TTC13: variants seen among roughly 807,000 people sequenced by gnomAD.
TTC13 encodes the protein tetratricopeptide repeat protein 13.
TTC13 carries 62 observed loss-of-function variants against 120.0 expected under a neutral mutation model. That is an observed-to-expected ratio of 0.52 (90% CI 0.42 to 0.64). The LOEUF is 0.64. TTC13 is among the 30% of genes least tolerant of loss of function. The pLI is 0.00. For synonymous variants in TTC13, 384 were observed against 393.5 expected, an observed-to-expected ratio of 0.98 and a Z score of 0.28; for missense variants, 824 against 1,050.2, an observed-to-expected ratio of 0.78 and a Z score of 2.98.
intron 8 of TTC13, among the ~76,000 whole-genome samples, chr1:230,935,097 A>G (rs1038121132): frequency 1.3e-5 from 2 of 152,250 alleles, no homozygotes; most frequent in African/African-American, 4.8e-5. Flanking sequence ...TAGAGAGATG[A>G]GAATGGATAA....
chr1:230,923,832 G>A lies in TTC13; in HGVS notation c.1814+9C>T, dbSNP rs1371355975. 3 of 1,607,916 alleles carry A rather than the reference G, an allele frequency of 1.9e-6. No individual in the cohort carries two copies. Among genetic ancestry groups the A allele is most frequent in the Non-Finnish European group, 2.6e-6 (3 of 1,175,264 alleles). On this transcript the variant is annotated intron_variant, in intron 15 of 22. Coordinates refer to ENST00000366661, the MANE Select transcript of TTC13 (RefSeq NM_024525.5). Reference sequence around the variant, plus strand: ...AGGAAAAGAAGAAAGATGCACAAAAGGTTCGTACCTGATTAAATTAATGTG... The same window carrying A: ...AGGAAAAGAAGAAAGATGCACAAAAAGTTCGTACCTGATTAAATTAATGTG...
chr1:230,914,193 G>A (rs565474813), intron 18 of TTC13, among the ~76,000 whole-genome samples: 2 of 152,140 alleles, frequency 1.3e-5, no homozygotes, highest in South Asian at 4.2e-4. Context: ...ATGTACAGTT[G>A]ACCCTTGAAC....
At chr1:230,949,053 A>G (rs930446708) in intron 4 of TTC13, among the ~76,000 whole-genome samples, 5 of 151,968 alleles carry the variant, frequency 3.3e-5, no homozygotes, top group Admixed American at 2.0e-4. Context: ...TCATTCCACA[A>G]TTATTTACTC....
At chr1:230,950,646 A>T (rs1222346924) in intron 4 of TTC13, among the ~76,000 whole-genome samples, 1 of 152,240 alleles carries the variant, frequency 6.6e-6, no homozygotes, top group Non-Finnish European at 1.5e-5. Context: ...ATTTACATAA[A>T]GGATGTTATT....
intron 11 of TTC13, among the ~76,000 whole-genome samples, chr1:230,929,464 G>A (rs1572210993): frequency 6.6e-6 from 1 of 151,964 alleles, no homozygotes; most frequent in African/African-American, 2.4e-5. Context: ...ACAGGCACCC[G>A]CCACCATGCC....
chr1:230,916,353 C>A, intron 17 of TTC13, 51 bp from the exon 18 acceptor site: 1 of 1,317,152 alleles, frequency 7.6e-7, no homozygotes, highest in South Asian at 1.2e-5. Flanking sequence ...TCACTGTAAA[C>A]CCCAACTGCA....
chr1:230,907,647 A>C (rs1442596408), intron 22 of TTC13, among the ~76,000 whole-genome samples: 1 of 152,232 alleles, frequency 6.6e-6, no homozygotes, highest in African/African-American at 2.4e-5. Context: ...AACTGTTAGA[A>C]GCTTTCATTG....
chr1:230,910,469 T>C (rs2102730836), intron 20 of TTC13, among the ~76,000 whole-genome samples: 1 of 152,304 alleles, frequency 6.6e-6, no homozygotes, highest in South Asian at 2.1e-4. Flanking sequence ...GGAGCAAAGC[T>C]AGCTGTGGCG....
intron 4 of TTC13, among the ~76,000 whole-genome samples, chr1:230,951,927 C>T (rs185700988): frequency 3.3e-5 from 5 of 152,084 alleles, no homozygotes; most frequent in African/African-American, 7.2e-5. Flanking sequence ...TACAGTGTCT[C>T]GATGACACTG....
At chr1:230,972,333 T>A (rs540473931) in intron 1 of TTC13, among the ~76,000 whole-genome samples, 2 of 152,112 alleles carry the variant, frequency 1.3e-5, no homozygotes, top group African/African-American at 4.8e-5. Flanking sequence ...CGTATTGAGC[T>A]ATCTACACTT....
intron 1 of TTC13, among the ~76,000 whole-genome samples, chr1:230,974,654 C>A (rs1254052148): frequency 2.6e-5 from 4 of 152,152 alleles, no homozygotes; most frequent in Admixed American, 1.3e-4. Context: ...TCAAAACATA[C>A]CCTGTTGTTA....
intron 7 of TTC13, 94 bp from the exon 8 acceptor site, chr1:230,939,590 A>G (rs1398132547): frequency 1.4e-6 from 1 of 730,172 alleles, no homozygotes; most frequent in Non-Finnish European, 2.2e-6. Flanking sequence ...AAAAATCTCA[A>G]TTCATCCTCT....
In TTC13 at chr1:230,909,006, G is replaced by A. The variant is rs748928691; in HGVS notation, c.2324C>T (p.Ser775Leu). 12 of 1,613,992 alleles carry A rather than the reference G, an allele frequency of 7.4e-6. No individual in the cohort carries two copies. The highest frequency in any genetic ancestry group is 2.2e-5 in the East Asian group (1 of 44,876). ...LSRGSSVIAYSVIVGALMASG... is the reference protein window; with the variant it reads ...LSRGSSVIAYLVIVGALMASG... ...TGCCATCAGTGCTCCCACGATGACC[G>A]AGTAAGCAATTACACTATTTAAATA... is the stretch of plus-strand genomic sequence containing the variant. Residue 775 changes from serine to leucine, a missense_variant, in exon 21 of 23, where the codon TCG becomes TTG. By Grantham distance (145) the Ser-to-Leu change is moderately radical (BLOSUM62 -2). This residue lies in a region of TTC13 where 226 missense variants were observed against 259.1 expected (regional missense o/e 0.87). Transcript: ENST00000366661.
intron 14 of TTC13, among the ~76,000 whole-genome samples, chr1:230,924,476 G>A (rs1253318828): frequency 6.6e-6 from 1 of 152,154 alleles, no homozygotes; most frequent in African/African-American, 2.4e-5. Context: ...GCGACTACAG[G>A]CGCGCACCAC....
intron 4 of TTC13, among the ~76,000 whole-genome samples, chr1:230,950,376 T>C (rs1675453752): frequency 6.6e-6 from 1 of 152,146 alleles, no homozygotes; most frequent in Non-Finnish European, 1.5e-5. Context: ...TGCAAAATCA[T>C]GGTATAACAG....
chr1:230,909,310 C>T (rs532361930), intron 20 of TTC13, among the ~76,000 whole-genome samples: 39 of 152,224 alleles, frequency 2.6e-4, no homozygotes, highest in African/African-American at 8.9e-4. Flanking sequence ...TTGACAGCAA[C>T]ATGGCGAAAC....
At chr1:230,972,579 T>G (rs1397098716) in intron 1 of TTC13, among the ~76,000 whole-genome samples, 2 of 152,218 alleles carry the variant, frequency 1.3e-5, no homozygotes, top group African/African-American at 4.8e-5. Context: ...TTGAGTGCAG[T>G]GAAGCTAAAC....
At chr1:230,912,792 A>C in intron 18 of TTC13, 34 bp from the exon 19 acceptor site, 4 of 1,585,850 alleles carry the variant, frequency 2.5e-6, no homozygotes, top group Non-Finnish European at 3.4e-6. Context: ...AAAGGCATGT[A>C]TTATAAGTTC....
rs1230619134 is a variant in TTC13 at position 230,920,588 on chromosome 1, A to G, written c.1905T>C (p.Asn635=). ...GAACTTCCAGCAATCCTTTAGGATTATTAGCTCTTAAAGAGAGACAGAGAG... is the reference window on the plus strand; with the variant it reads ...GAACTTCCAGCAATCCTTTAGGATTGTTAGCTCTTAAAGAGAGACAGAGAG... ...KDRILVYHGA[N]NPKGLLEVRE... The change falls in exon 17 of 23, where the codon AAT becomes AAC. Residue 635 remains asparagine (N), a synonymous_variant. Transcript: ENST00000366661. The G allele has an allele frequency of 6.3e-7, 1 of 1,576,824 alleles. No individual in the cohort carries two copies. The highest frequency in any genetic ancestry group is 1.4e-5 in the African/African-American group (1 of 73,166).
Sources: allele counts gnomAD v4.1 joint callset (sites outside exome capture counted in the v4.1 genomes callset), GRCh38; gene constraint gnomAD v4.1.1; regional missense constraint gnomAD v4.1.1; transcripts MANE v1.5; gene names NCBI Gene and HGNC (gene_info 2026-07-23, HGNC 2026-07-21).